NAT1: variants seen among roughly 807,000 people sequenced by gnomAD.
The protein encoded by NAT1 is N-acetyltransferase 1.
For synonymous variants in NAT1, 144 were observed against 122.6 expected (o/e 1.17, Z -1.16); for missense variants, 400 against 339.2 (o/e 1.18, Z -1.41).
At chr8:18,209,933 A>G (rs1188364868), upstream of NAT1, 1 of 152,104 alleles carries the variant, frequency 6.6e-6, no homozygotes, top group African/African-American at 2.4e-5. Flanking sequence ...ATCGGACAAT[A>G]CAACTCTCCA....
At chr8:18,181,388 T>A (rs1351330481) in intron 2 of NAT1, among the ~76,000 whole-genome samples, 3 of 152,060 alleles carry the variant, frequency 2.0e-5, no homozygotes, top group Admixed American at 2.0e-4. Context: ...AGAAAAAAAA[T>A]AGAGATGCTA....
At chr8:18,206,931 C>T (rs1426255632), upstream of NAT1, among the ~76,000 whole-genome samples, 1 of 152,128 alleles carries the variant, frequency 6.6e-6, no homozygotes, top group Non-Finnish European at 1.5e-5. Context: ...ATGTTTTCAT[C>T]ATGAAATCTT....
rs542430785 is a variant in NAT1 at position 18,191,522 on chromosome 8, C to T, written n.93-18259C>T. The stretch of plus-strand genomic sequence containing the variant: ...AGTTCATATGGAACCAAAAAAGAGC[C>T]CGCATCGCCAAGTCAATCCTAAGCC... On this transcript the variant is annotated intron_variant and non_coding_transcript_variant, in intron 2 of 4. Coordinates refer to the NAT1 transcript ENST00000517441. Among the ~76,000 whole-genome samples, 9 of 151,956 alleles carry T rather than the reference C, an allele frequency of 5.9e-5. No individual in the cohort carries two copies. In the East Asian group the frequency reaches 1.7e-3, roughly 29 times the overall value.
intron 2 of NAT1, among the ~76,000 whole-genome samples, chr8:18,204,997 T>A (rs1352961520): frequency 6.6e-6 from 1 of 152,192 alleles, no homozygotes; most frequent in Non-Finnish European, 1.5e-5. Flanking sequence ...ATGGGGGACT[T>A]GCCTTGATCC....
chr8:18,196,945 G>A (rs1253767200), intron 2 of NAT1, among the ~76,000 whole-genome samples: 1 of 152,122 alleles, frequency 6.6e-6, no homozygotes, highest in African/African-American at 2.4e-5. Flanking sequence ...CCCAAGAGTG[G>A]GAAATTATGA....
At chr8:18,178,310 T>C (rs1332363376) in intron 2 of NAT1, among the ~76,000 whole-genome samples, 1 of 152,174 alleles carries the variant, frequency 6.6e-6, no homozygotes. Flanking sequence ...CTGGTCAAGC[T>C]GGTCTTCAGA....
chr8:18,196,249 C>A (rs767776496), intron 2 of NAT1, among the ~76,000 whole-genome samples: 2 of 151,966 alleles, frequency 1.3e-5, no homozygotes, highest in Non-Finnish European at 2.9e-5. Context: ...CACACCCAGC[C>A]AACTTTTACA....
intron 2 of NAT1, among the ~76,000 whole-genome samples, chr8:18,195,772 C>T (rs1030395646): frequency 6.6e-6 from 1 of 152,144 alleles, no homozygotes; most frequent in Non-Finnish European, 1.5e-5. Flanking sequence ...ATCAGCTGCA[C>T]TCAGAGCCCA....
chr8:18,203,095 C>T (rs139229807), intron 2 of NAT1, among the ~76,000 whole-genome samples: 686 of 152,328 alleles, frequency 4.5e-3, no homozygotes, highest in Middle Eastern at 6.8e-3. Flanking sequence ...CAAGTCCTCA[C>T]TCCACCCAGG....
chr8:18,193,860 T>G (rs1803123929), intron 2 of NAT1, among the ~76,000 whole-genome samples: 1 of 152,010 alleles, frequency 6.6e-6, no homozygotes, highest in South Asian at 2.1e-4. Flanking sequence ...GAGCTGGTCT[T>G]GAACTCCTGA....
chr8:18,198,966 T>C (rs1803348132), intron 2 of NAT1, among the ~76,000 whole-genome samples: 1 of 152,072 alleles, frequency 6.6e-6, no homozygotes, highest in Non-Finnish European at 1.5e-5. Context: ...TGTTTTCTCT[T>C]TTTTTTGGAA....
intron 2 of NAT1, among the ~76,000 whole-genome samples, chr8:18,176,780 G>C (rs575018224): frequency 4.6e-5 from 7 of 151,842 alleles, no homozygotes; most frequent in African/African-American, 1.7e-4. Flanking sequence ...AAAAGGAGTT[G>C]TATTGAGTCT....
rs1369072680 is a variant in NAT1, at chr8:18,222,195, T to C, written c.148T>C (p.Leu50=). 1 of 1,614,032 alleles carries C rather than the reference T, an allele frequency of 6.2e-7. No individual in the cohort carries two copies. The highest frequency in any genetic ancestry group is 1.3e-5 in the African/African-American group (1 of 74,934). Residue 50 remains leucine, a synonymous_variant, in exon 3 of 3, where the codon TTA becomes CTA. Coordinates refer to ENST00000307719, the MANE Select transcript of NAT1 (RefSeq NM_000662.8). ...CATCCATTGTGGGGATGCCATGGAC[T>C]TAGGCTTAGAGGCCATTTTTGATCA... ...LNIHCGDAMD[L]GLEAIFDQVV...
rs1563177737 is a variant in NAT1 at position 18,204,163 on chromosome 8, T to TCTCTCTC, written n.93-5618_93-5617insCTCTCTC. On this transcript the variant is annotated intron_variant and non_coding_transcript_variant, in intron 2 of 4. Coordinates refer to the NAT1 transcript ENST00000517441. The stretch of plus-strand genomic sequence containing the variant: ...TGCCTCCTTGACTTTTTGGATGTCT[T>TCTCTCTC]TCTCTCTCTCTCTCTCTCTCTCGCA... Among the ~76,000 whole-genome samples, 258 of 148,720 alleles carry TCTCTCTC rather than the reference T, an allele frequency of 1.7e-3. 1 individual carries two copies. Among genetic ancestry groups the TCTCTCTC allele is most frequent in the African/African-American group, 5.9e-3 (240 of 40,780 alleles).
At chr8:18,186,669 T>C (rs2117240212) in intron 2 of NAT1, among the ~76,000 whole-genome samples, 1 of 152,344 alleles carries the variant, frequency 6.6e-6, no homozygotes, top group African/African-American at 2.4e-5. Flanking sequence ...TCTTTTATTA[T>C]TCCTTTTCTT....
intron 2 of NAT1, among the ~76,000 whole-genome samples, chr8:18,190,830 G>T (rs553297579): frequency 1.3e-5 from 2 of 152,304 alleles, no homozygotes; most frequent in Non-Finnish European, 2.9e-5. Context: ...GCTTTGGGAG[G>T]CCGAGGTGGG....
chr8:18,196,969 C>G lies in NAT1; in HGVS notation n.93-12812C>G, dbSNP rs1009389886. On this transcript the variant is annotated intron_variant and non_coding_transcript_variant, in intron 2 of 4. Coordinates refer to the NAT1 transcript ENST00000517441. ...GGGAAATTATGAAGGAAAGAGGTTT[C>G]GTTGACTCACAGCTCTGCAGGCGTT... Among the ~76,000 whole-genome samples, 19 of 152,114 alleles carry G rather than the reference C, an allele frequency of 1.2e-4. No homozygotes were observed. The South Asian group carries it at 1.4e-3, about 12-fold the overall frequency.
intron 2 of NAT1, among the ~76,000 whole-genome samples, chr8:18,195,935 C>A (rs1208165377): frequency 3.3e-5 from 5 of 151,426 alleles, no homozygotes; most frequent in South Asian, 2.1e-4. Context: ...AAAAAAAAGA[C>A]CCTGATGGCT....
upstream of NAT1, among the ~76,000 whole-genome samples, chr8:18,206,794 C>T (rs551775954): frequency 6.6e-6 from 1 of 152,100 alleles, no homozygotes; most frequent in Admixed American, 6.5e-5. Flanking sequence ...GTTTCTTTTG[C>T]TTTAATTAGA....
Sources: allele counts gnomAD v4.1 joint callset (sites outside exome capture counted in the v4.1 genomes callset), GRCh38; gene constraint gnomAD v4.1.1; transcripts MANE v1.5; gene names NCBI Gene and HGNC (gene_info 2026-07-23, HGNC 2026-07-21).